NFKBIZ: variants seen among roughly 807,000 people sequenced by gnomAD.
NFKBIZ encodes the protein NFKB inhibitor zeta.
NFKBIZ carries 19 observed loss-of-function variants against 76.8 expected under a neutral mutation model. The observed-to-expected ratio is 0.25, with a 90% confidence interval of 0.17 to 0.36. The LOEUF is 0.36. NFKBIZ is among the 10% of genes least tolerant of loss of function. NFKBIZ has a pLI of 1.00. For synonymous variants in NFKBIZ, 368 were observed against 354.8 expected, an observed-to-expected ratio of 1.04 and a Z score of -0.42; for missense variants, 829 against 910.9, an observed-to-expected ratio of 0.91 and a Z score of 1.16.
upstream of NFKBIZ, among the ~76,000 whole-genome samples, chr3:101,845,760 ATTT>A (rs1228538426): frequency 1.3e-5 from 2 of 152,138 alleles, no homozygotes; most frequent in African/African-American, 4.8e-5. Context: ...GCGTTCTCAT[ATTT>A]TTATTTCTTC....
In NFKBIZ at chr3:101,849,645, TG is replaced by T; in HGVS notation, c.18del (p.Leu7TrpfsTer20). 1 of 1,385,358 alleles carries T rather than the reference TG, an allele frequency of 7.2e-7. No homozygotes were observed. Among genetic ancestry groups the T allele is most frequent in the Non-Finnish European group, 9.3e-7 (1 of 1,078,622 alleles). 85.8% of individuals were successfully genotyped at this position (1,385,358 alleles called of 1,614,324 possible). On this transcript the variant is annotated frameshift_variant, in exon 1 of 12. Transcript: ENST00000326172. LOFTEE classifies it high-confidence loss of function. MIVDKLLDDSRGGEGL... is the reference protein window; with the variant it reads MIVDKXLDDSRGGEGL... The stretch of plus-strand genomic sequence containing the variant: ...CCTGGGAGCATGATTGTGGACAAGC[TG>T]CTGGACGACAGCCGCGGCGGAGAGG...
At chr3:101,855,319 A>G (rs1266129032) in intron 7 of NFKBIZ, 76 bp from the exon 8 acceptor site, 24 of 1,606,396 alleles carry the variant, frequency 1.5e-5, no homozygotes, top group African/African-American at 2.7e-5. Context: ...GAGTTAACTT[A>G]TTCATTTCTT....
chr3:101,831,539 A>G (rs1366672911), intron 2 of NFKBIZ, among the ~76,000 whole-genome samples: 1 of 151,662 alleles, frequency 6.6e-6, no homozygotes, highest in East Asian at 1.9e-4. Context: ...CCAGAGGGGG[A>G]ACAACGTTTT....
intron 11 of NFKBIZ, among the ~76,000 whole-genome samples, chr3:101,858,816 C>G (rs148250191): frequency 1.3e-5 from 2 of 152,126 alleles, no homozygotes; most frequent in African/African-American, 4.8e-5. Flanking sequence ...CATGAAGTTA[C>G]GTGTAGATGC....
intron 2 of NFKBIZ, among the ~76,000 whole-genome samples, chr3:101,833,230 G>A (rs555298875): frequency 6.6e-6 from 1 of 152,190 alleles, no homozygotes; most frequent in East Asian, 1.9e-4. Flanking sequence ...CTTGCTGGAG[G>A]TTTAAAAGGG....
At chr3:101,858,709 T>G (rs1414272688) in intron 11 of NFKBIZ, among the ~76,000 whole-genome samples, 1 of 152,212 alleles carries the variant, frequency 6.6e-6, no homozygotes, top group Non-Finnish European at 1.5e-5. Context: ...AAATTGTTGC[T>G]TCTAATCTGC....
upstream of NFKBIZ, among the ~76,000 whole-genome samples, chr3:101,845,432 C>A (rs1309787856): frequency 6.6e-6 from 1 of 151,594 alleles, no homozygotes; most frequent in Non-Finnish European, 1.5e-5. Flanking sequence ...TAGCTGGGAC[C>A]ACAGGCATGT....
chr3:101,831,736 G>A (rs1190716246), intron 2 of NFKBIZ, among the ~76,000 whole-genome samples: 1 of 151,948 alleles, frequency 6.6e-6, no homozygotes, highest in Non-Finnish European at 1.5e-5. Context: ...CGCCTTCCGA[G>A]TTTAAGTGAT....
chr3:101,858,642 G>A (rs1434112342), intron 11 of NFKBIZ, among the ~76,000 whole-genome samples: 2 of 152,172 alleles, frequency 1.3e-5, no homozygotes, highest in Non-Finnish European at 2.9e-5. Context: ...TACTGTGGTC[G>A]TGTGTTTCCT....
upstream of NFKBIZ, among the ~76,000 whole-genome samples, chr3:101,847,280 A>T (rs1942865486): frequency 6.6e-6 from 1 of 152,262 alleles, no homozygotes; most frequent in South Asian, 2.1e-4. Context: ...CATCTTTTAA[A>T]TGATTTTGGT....
At chr3:101,852,313 A>G (rs956009257) in intron 2 of NFKBIZ, 89 bp downstream of exon 2, 3 of 1,460,250 alleles carry the variant, frequency 2.1e-6, no homozygotes, top group Non-Finnish European at 2.8e-6. Context: ...CCAGTCATCA[A>G]GTAAGTCACT....
In NFKBIZ at chr3:101,853,316, T is replaced by C; in HGVS notation, c.790T>C (p.Ser264Pro). 1 of 1,614,082 alleles carries C rather than the reference T, an allele frequency of 6.2e-7. No homozygotes were observed. Among genetic ancestry groups the C allele is most frequent in the Non-Finnish European group, 8.5e-7 (1 of 1,180,018 alleles). Residue 264 changes from serine to proline, a missense_variant, in exon 5 of 12, where the codon TCT (serine) becomes CCT (proline). Coordinates refer to ENST00000326172, the MANE Select transcript of NFKBIZ (RefSeq NM_031419.4). ...CQDFHGGQVFSPPQKCQPFQV... is the reference protein window; with the variant it reads ...CQDFHGGQVFPPPQKCQPFQV... ...GGACTTCCATGGAGGGCAGGTCTTT[T>C]CTCCACCTCAGAAATGCCAACCATT... is the stretch of plus-strand genomic sequence containing the variant.
chr3:101,848,638 A>G (rs984294192), upstream of NFKBIZ, among the ~76,000 whole-genome samples: 1 of 152,284 alleles, frequency 6.6e-6, no homozygotes, highest in Non-Finnish European at 1.5e-5. Context: ...GGAAAAAAGT[A>G]TTCAAGATAG....
intron 8 of NFKBIZ, 78 bp from the exon 9 acceptor site, chr3:101,855,655 C>T: frequency 6.9e-7 from 1 of 1,457,736 alleles, no homozygotes; most frequent in African/African-American, 1.4e-5. Context: ...AGAGGCCATC[C>T]TCAGCATTTG....
upstream of NFKBIZ, chr3:101,849,448 C>T (rs922550509): frequency 9.2e-6 from 4 of 434,130 alleles, no homozygotes; most frequent in African/African-American, 4.1e-5. Flanking sequence ...ATGGCCGGGC[C>T]GGGCGCCGGG....
chr3:101,860,794 T>C lies in NFKBIZ; in HGVS notation c.*1423T>C, dbSNP rs963086612. 6.2e-5 allele frequency: 8 copies of C among 130,044 alleles called. No individual in the cohort carries two copies. Among genetic ancestry groups the C allele is most frequent in the Admixed American group, 5.9e-4 (8 of 13,504 alleles). 8.1% of individuals were successfully genotyped at this position (130,044 alleles called of 1,614,324 possible). On this transcript the variant is annotated 3_prime_UTR_variant, in exon 12 of 12. Coordinates refer to ENST00000326172, the MANE Select transcript of NFKBIZ (RefSeq NM_031419.4). ...AAATTTGACTCATTAAAAACCTTTT[T>C]TTTTTAAAAAAAAAAAAAAAGAAAA...
At chr3:101,848,006 G>T (rs545143480), upstream of NFKBIZ, among the ~76,000 whole-genome samples, 16 of 152,342 alleles carry the variant, frequency 1.1e-4, no homozygotes, top group South Asian at 3.1e-3. Context: ...AGCGAGACCT[G>T]TGGGTTCTGC....
At chr3:101,845,825 G>C (rs911818944), upstream of NFKBIZ, among the ~76,000 whole-genome samples, 13 of 152,270 alleles carry the variant, frequency 8.5e-5, no homozygotes, top group African/African-American at 3.1e-4. Context: ...TCTATGAGTT[G>C]TCACAGAACT....
upstream of NFKBIZ, among the ~76,000 whole-genome samples, chr3:101,846,744 C>CT (rs1316266850): frequency 6.6e-6 from 1 of 152,084 alleles, no homozygotes; most frequent in Non-Finnish European, 1.5e-5. Context: ...TTGAGAAACT[C>CT]TAATGTATTA....
Sources: gnomAD v4.1 joint callset for allele counts (sites outside exome capture counted in the v4.1 genomes callset) on GRCh38, gnomAD v4.1.1 for gene constraint, MANE v1.5 for transcripts, NCBI Gene and HGNC (gene_info 2026-07-23, HGNC 2026-07-21) for gene names.